The following MRE11 variants were observed in gnomAD, a reference collection of about 807,000 sequenced individuals.
MRE11 encodes MRE11 double strand break repair nuclease, also known as double-strand break repair protein MRE11.
A neutral mutation model predicts 91.7 loss-of-function variants in MRE11; 62 were observed. That is an observed-to-expected ratio of 0.68 (90% CI 0.55 to 0.84). MRE11 has a LOEUF of 0.84. MRE11 is among the 40% of genes least tolerant of loss of function. MRE11 has a pLI of 0.00. For synonymous variants in MRE11, 273 were observed against 271.4 expected, an observed-to-expected ratio of 1.01 and a Z score of -0.06; for missense variants, 796 against 852.9, an observed-to-expected ratio of 0.93 and a Z score of 0.83.
At chr11:94,446,307 T>C (rs1945928631) in intron 15 of MRE11, among the ~76,000 whole-genome samples, 1 of 152,190 alleles carries the variant, frequency 6.6e-6, no homozygotes, top group South Asian at 2.1e-4. Context: ...CCTGGGAGGC[T>C]GAGGCAGGAG....
At chr11:94,423,508 G>A (rs1945229151) in intron 19 of MRE11, among the ~76,000 whole-genome samples, 1 of 152,232 alleles carries the variant, frequency 6.6e-6, no homozygotes, top group South Asian at 2.1e-4. Context: ...CCCTGGAGTA[G>A]GACTAGCCCC....
chr11:94,488,322 C>T lies in MRE11; in HGVS notation c.154-2238G>A, dbSNP rs148607922. ...AAAAGAACAGATGCTGGTGAAATTACGGAGAAAAGGGAACACTTATACACT... is the reference window on the plus strand; with the variant it reads ...AAAAGAACAGATGCTGGTGAAATTATGGAGAAAAGGGAACACTTATACACT... On this transcript the variant is annotated intron_variant, in intron 3 of 19. Coordinates refer to ENST00000323929, the MANE Select transcript of MRE11 (RefSeq NM_005591.4). Among the ~76,000 whole-genome samples the T allele has an allele frequency of 9.6e-3, 1,456 of 152,194 alleles. 11 individuals carry two copies. Among genetic ancestry groups the T allele is most frequent in the Non-Finnish European group, 0.017 (1,132 of 67,986 alleles).
At chr11:94,426,573 A>C (rs1439539747) in intron 19 of MRE11, among the ~76,000 whole-genome samples, 1 of 152,152 alleles carries the variant, frequency 6.6e-6, no homozygotes, top group Admixed American at 6.5e-5. Context: ...AGAACTGAAC[A>C]AAACTGAGAT....
At chr11:94,501,725 C>G in the MRE11 span, among the ~76,000 whole-genome samples, 1 of 150,670 alleles carries the variant, frequency 6.6e-6, no homozygotes, top group Admixed American at 6.6e-5. Context: ...AAACTGAGTT[C>G]AAATCCTCAG....
At chr11:94,498,185 CAGG>C (rs1243685190), upstream of MRE11, 1 of 1,614,018 alleles carries the variant, frequency 6.2e-7, no homozygotes, top group Non-Finnish European at 8.5e-7. Context: ...AGATATTGTT[CAGG>C]AGCTCATTGC....
At chr11:94,445,575 T>C (rs988494960) in intron 16 of MRE11, among the ~76,000 whole-genome samples, 1 of 152,218 alleles carries the variant, frequency 6.6e-6, no homozygotes, top group Non-Finnish European at 1.5e-5. Flanking sequence ...CCCAAAGTGC[T>C]GGGATTACAG....
rs1324048302 is a variant in MRE11 at position 94,416,721 on chromosome 11, G to C, written c.*3404C>G. On this transcript the variant is annotated 3_prime_UTR_variant, in exon 20 of 20. Transcript: ENST00000323929. Reference sequence around the variant, plus strand: ...AAAAAAAAAAAAATTAGCCAGGCGTGGTGGTGGGCGCCTGTAGTCCCAGCT... The same window carrying C: ...AAAAAAAAAAAAATTAGCCAGGCGTCGTGGTGGGCGCCTGTAGTCCCAGCT... 1 of 150,878 alleles carries C rather than the reference G, an allele frequency of 6.6e-6. No homozygotes were observed. The highest frequency in any genetic ancestry group is 1.5e-5 in the Non-Finnish European group (1 of 67,800). 9.3% of individuals were successfully genotyped at this position (150,878 alleles called of 1,614,324 possible).
intron 14 of MRE11, among the ~76,000 whole-genome samples, chr11:94,453,384 T>C (rs1946164912): frequency 6.6e-6 from 1 of 152,250 alleles, no homozygotes; most frequent in Non-Finnish European, 1.5e-5. Flanking sequence ...TTAACTACTT[T>C]AGGAACTGCT....
At chr11:94,449,756 C>T (rs1946047013) in intron 14 of MRE11, among the ~76,000 whole-genome samples, 1 of 152,194 alleles carries the variant, frequency 6.6e-6, no homozygotes, top group Non-Finnish European at 1.5e-5. Flanking sequence ...TGCTCCTTGG[C>T]TACAAACCTG....
rs111633777 is a variant in MRE11, at chr11:94,490,899, A to G, written c.87T>C (p.Asp29=). 2 of 1,603,798 alleles carry G rather than the reference A, an allele frequency of 1.2e-6. No individual in the cohort carries two copies. The highest frequency in any genetic ancestry group is 2.2e-5 in the East Asian group (1 of 44,774). The change falls in exon 3 of 20, where the codon GAT becomes GAC. Residue 29 remains aspartate (D), a synonymous_variant. Transcript: ENST00000323929. The stretch of plus-strand genomic sequence containing the variant: ...CAAACGTATCATTTCCTCTGACTGC[A>G]TCTTTCTCCATAAATCCAAGATGAA... ...TDIHLGFMEK[D]AVRGNDTFVT...
intron 10 of MRE11, among the ~76,000 whole-genome samples, chr11:94,464,622 A>T (rs1368314364): frequency 6.6e-6 from 1 of 152,204 alleles, no homozygotes; most frequent in Admixed American, 6.5e-5. Context: ...ACTAGCCTTA[A>T]ATGCATTAGT....
At chr11:94,427,004 T>C (rs888003633) in intron 19 of MRE11, among the ~76,000 whole-genome samples, 1 of 152,020 alleles carries the variant, frequency 6.6e-6, no homozygotes, top group Non-Finnish European at 1.5e-5. Context: ...ACAGAAATTA[T>C]TCCAAAAAAA....
intron 4 of MRE11, among the ~76,000 whole-genome samples, chr11:94,484,827 G>T (rs906192275): frequency 1.3e-5 from 2 of 152,202 alleles, no homozygotes; most frequent in Non-Finnish European, 2.9e-5. Flanking sequence ...TCAGGGTCAT[G>T]AAAGACAAGG....
the MRE11 span, among the ~76,000 whole-genome samples, chr11:94,503,301 T>G: frequency 6.6e-6 from 1 of 152,264 alleles, no homozygotes; most frequent in African/African-American, 2.4e-5. Context: ...TTTAGACACC[T>G]CATGTAAGAG....
At chr11:94,439,686 T>C (rs1313498323) in intron 16 of MRE11, among the ~76,000 whole-genome samples, 1 of 152,234 alleles carries the variant, frequency 6.6e-6, no homozygotes, top group Non-Finnish European at 1.5e-5. Context: ...AGACACTGCC[T>C]GATACTTCAC....
At chr11:94,498,634 T>G, upstream of MRE11, 5 of 983,292 alleles carry the variant, frequency 5.1e-6, no homozygotes, top group Non-Finnish European at 7.6e-6. Flanking sequence ...CTACAAAAAT[T>G]CAGTGACATT....
chr11:94,446,358 A>T (rs1945931544), intron 15 of MRE11, among the ~76,000 whole-genome samples: 1 of 152,168 alleles, frequency 6.6e-6, no homozygotes, highest in African/African-American at 2.4e-5. Flanking sequence ...AGTGAGCTGA[A>T]ATCGCACCAT....
intron 11 of MRE11, among the ~76,000 whole-genome samples, chr11:94,462,130 CA>C (rs1280993746): frequency 6.6e-6 from 1 of 152,008 alleles, no homozygotes; most frequent in Non-Finnish European, 1.5e-5. Flanking sequence ...ATTCCTACAC[CA>C]ATAACAGACA....
At chr11:94,435,921 A>C (rs774873162) in intron 17 of MRE11, 22 bp from the exon 18 acceptor site, 1 of 1,606,640 alleles carries the variant, frequency 6.2e-7, no homozygotes, top group African/African-American at 1.3e-5. Flanking sequence ...ACAAAGCAAC[A>C]AACAGTTTTT....
Sources: gnomAD v4.1 joint callset for allele counts (sites outside exome capture counted in the v4.1 genomes callset) on GRCh38, gnomAD v4.1.1 for gene constraint, MANE v1.5 for transcripts, NCBI Gene and HGNC (gene_info 2026-07-23, HGNC 2026-07-21) for gene names.